The following DCAF8L2 variants were observed in gnomAD, a reference collection of about 807,000 sequenced individuals.
DCAF8L2 encodes the protein DDB1 and CUL4 associated factor 8 like 2.
For missense variants in DCAF8L2, 430 were observed against 490.7 expected (o/e 0.88, Z 1.17); for synonymous variants, 200 against 190.9 (o/e 1.05, Z -0.39).
rs1466181631 is a variant in DCAF8L2, at chrX:27,748,330, G to A, written c.1435G>A (p.Gly479Ser). 8.3e-6 allele frequency: 10 copies of A among 1,207,318 alleles called. No individual in the cohort carries two copies. The highest frequency in any genetic ancestry group is 1.0e-5 in the Non-Finnish European group (9 of 893,511). ...CACAGTCAAAGGTGTTAATTTCTAT[G>A]GCCCCAGGAGTGAGTTTGTAGTGAG... ...NTTVKGVNFY[G>S]PRSEFVVSGS... Residue 479 changes from glycine to serine, a missense_variant, in exon 5 of 5, where the codon GGC becomes AGC. Gly to Ser is a moderately conservative substitution (Grantham distance 56, BLOSUM62 0). Transcript: ENST00000451261.
the DCAF8L2 span, among the ~76,000 whole-genome samples, chrX:27,568,038 T>G: frequency 9.0e-6 from 1 of 111,318 alleles, no homozygotes; most frequent in Non-Finnish European, 1.9e-5. Flanking sequence ...TTCTCCTGAT[T>G]TCTGGGAAGG....
At chrX:27,727,645 A>G (rs73628825) in intron 4 of DCAF8L2, among the ~76,000 whole-genome samples, 1,800 of 111,231 alleles carry the variant, frequency 0.016, 37 homozygotes, top group African/African-American at 0.053. Context: ...ATCACTTACA[A>G]TTTTTCAAAT....
chrX:27,611,607 C>T (rs764476587), intron 1 of DCAF8L2, among the ~76,000 whole-genome samples: 103 of 108,823 alleles, frequency 9.5e-4, no homozygotes, highest in African/African-American at 3.3e-3. Context: ...CCCCACCCCA[C>T]GACAGGCCCC....
At chrX:27,645,939 T>C (rs1434563421) in intron 2 of DCAF8L2, among the ~76,000 whole-genome samples, 1 of 111,652 alleles carries the variant, frequency 9.0e-6, no homozygotes, top group East Asian at 2.8e-4. Context: ...TGGAAAAACA[T>C]TCCATGCTGA....
intron 4 of DCAF8L2, among the ~76,000 whole-genome samples, chrX:27,727,084 T>C (rs1000282804): frequency 8.9e-6 from 1 of 112,062 alleles, no homozygotes; most frequent in African/African-American, 3.2e-5. Context: ...GTCTTTTAAA[T>C]TGTAGTATTC....
chrX:27,644,140 A>G (rs1928851026), intron 2 of DCAF8L2, among the ~76,000 whole-genome samples: 1 of 111,813 alleles, frequency 8.9e-6, no homozygotes, highest in African/African-American at 3.3e-5. Flanking sequence ...CATGACCCTG[A>G]TTTCCTTTTC....
intron 3 of DCAF8L2, among the ~76,000 whole-genome samples, chrX:27,691,819 G>C (rs1034608607): frequency 2.7e-5 from 3 of 111,867 alleles, no homozygotes; most frequent in African/African-American, 9.7e-5. Context: ...TGGACAGCCT[G>C]AAGGAGGATA....
the DCAF8L2 span, among the ~76,000 whole-genome samples, chrX:27,543,893 T>C: frequency 3.6e-5 from 4 of 111,376 alleles, no homozygotes; most frequent in East Asian, 2.8e-4. Flanking sequence ...CCCCCAACAA[T>C]ATACTTCTTT....
chrX:27,621,965 C>G (rs1927781270), intron 1 of DCAF8L2, among the ~76,000 whole-genome samples: 1 of 109,001 alleles, frequency 9.2e-6, no homozygotes, highest in Non-Finnish European at 1.9e-5. Context: ...GCAATCCAGC[C>G]TGGGTGATAG....
At chrX:27,669,027 CAT>C (rs1471540221) in intron 2 of DCAF8L2, among the ~76,000 whole-genome samples, 1 of 110,891 alleles carries the variant, frequency 9.0e-6, no homozygotes, top group African/African-American at 3.3e-5. Flanking sequence ...ACTGGAAAGA[CAT>C]GTGCACACAG....
chrX:27,587,850 C>A (rs1205555747), upstream of DCAF8L2, among the ~76,000 whole-genome samples: 1 of 109,089 alleles, frequency 9.2e-6, no homozygotes, highest in Non-Finnish European at 1.9e-5. Context: ...CTACCCCTCT[C>A]CCCATTCATC....
At chrX:27,718,415 G>T (rs1355972338) in intron 4 of DCAF8L2, among the ~76,000 whole-genome samples, 1 of 111,714 alleles carries the variant, frequency 9.0e-6, no homozygotes, top group Non-Finnish European at 1.9e-5. Context: ...CCACTTTTAG[G>T]ATACTTCCCC....
In DCAF8L2 at chrX:27,748,151, G is replaced by T; in HGVS notation, c.1256G>T (p.Cys419Phe). Residue 419 changes from cysteine to phenylalanine, a missense_variant, in exon 5 of 5, where the codon TGT (cysteine) becomes TTT (phenylalanine). Physicochemically the swap from Cys to Phe is radical, Grantham distance 205 (BLOSUM62 -2). Coordinates refer to ENST00000451261, the MANE Select transcript of DCAF8L2 (RefSeq NM_001353450.2). ...TTCACTCCTCATCATCTGGTTAATT[G>T]TGATTTCCCAACAAACATCACCTGC... is the stretch of plus-strand genomic sequence containing the variant. Reference protein sequence around the residue: ...KKFTPHHLVNCDFPTNITCVV... With the variant: ...KKFTPHHLVNFDFPTNITCVV... The T allele has an allele frequency of 1.7e-6, 2 of 1,211,958 alleles. No homozygotes were observed. Among genetic ancestry groups the T allele is most frequent in the Non-Finnish European group, 2.2e-6 (2 of 895,562 alleles).
At chrX:27,569,984 T>C in the DCAF8L2 span, among the ~76,000 whole-genome samples, 1 of 111,952 alleles carries the variant, frequency 8.9e-6, no homozygotes, top group Non-Finnish European at 1.9e-5. Flanking sequence ...AGATTCAACT[T>C]TTTGAAGCTT....
the DCAF8L2 span, among the ~76,000 whole-genome samples, chrX:27,543,461 CT>C: frequency 9.0e-6 from 1 of 111,219 alleles, no homozygotes; most frequent in African/African-American, 3.3e-5. Flanking sequence ...TATTCAGAGA[CT>C]TTTTTGATTC....
the DCAF8L2 span, among the ~76,000 whole-genome samples, chrX:27,523,293 G>A: frequency 9.0e-6 from 1 of 110,799 alleles, no homozygotes; most frequent in Admixed American, 9.7e-5. Context: ...AAATGTTGCT[G>A]GACTAGACAG....
At chrX:27,723,152 A>G (rs1931955770) in intron 4 of DCAF8L2, among the ~76,000 whole-genome samples, 1 of 110,519 alleles carries the variant, frequency 9.0e-6, no homozygotes, top group South Asian at 3.7e-4. Context: ...TGAACAATAT[A>G]AAGATGTCCA....
chrX:27,695,094 C>T, intron 3 of DCAF8L2, among the ~76,000 whole-genome samples: 1 of 111,862 alleles, frequency 8.9e-6, no homozygotes, highest in East Asian at 2.8e-4. Context: ...AGATCTGGCC[C>T]TCTGTGTGAG....
intron 2 of DCAF8L2, among the ~76,000 whole-genome samples, chrX:27,649,593 C>T (rs1182270999): frequency 8.9e-6 from 1 of 111,741 alleles, no homozygotes; most frequent in Non-Finnish European, 1.9e-5. Flanking sequence ...TGCTTGTTGG[C>T]CACATGTATG....
Sources: allele counts gnomAD v4.1 joint callset (sites outside exome capture counted in the v4.1 genomes callset), GRCh38; gene constraint gnomAD v4.1.1; transcripts MANE v1.5; gene names NCBI Gene and HGNC (gene_info 2026-07-23, HGNC 2026-07-21).